Variants in ZFHX3 observed in about 807,000 individuals in gnomAD.
ZFHX3 encodes zinc finger homeobox protein 3.
A neutral mutation model predicts 279.1 loss-of-function variants in ZFHX3; 42 were observed. That is an observed-to-expected ratio of 0.15 (90% CI 0.12 to 0.19). ZFHX3 has a LOEUF of 0.19. ZFHX3 is among the 10% of genes least tolerant of loss of function. The pLI is 1.00. For synonymous variants in ZFHX3, 2,293 were observed against 1,957.8 expected (o/e 1.17, Z -4.52); for missense variants, 4,981 against 4,754.0 (o/e 1.05, Z -1.40).
chr16:73,293,393 A>G (rs536776096), intron 4 of ZFHX3, among the ~76,000 whole-genome samples: 8 of 152,348 alleles, frequency 5.3e-5, no homozygotes, highest in African/African-American at 1.9e-4. Flanking sequence ...AGGAGTTTCC[A>G]TTGAAATTTC....
chr16:73,145,812 A>G (rs1310995383), intron 5 of ZFHX3, among the ~76,000 whole-genome samples: 2 of 152,210 alleles, frequency 1.3e-5, no homozygotes, highest in African/African-American at 4.8e-5. Flanking sequence ...AATGAAACCA[A>G]TCCAGAATGA....
chr16:73,558,199 T>G (rs1422573007), intron 2 of ZFHX3: 1 of 152,218 alleles, frequency 6.6e-6, no homozygotes, highest in Non-Finnish European at 1.5e-5. Flanking sequence ...TATGGGAGAT[T>G]TCTAATGTGT....
intron 6 of ZFHX3, among the ~76,000 whole-genome samples, chr16:73,139,638 C>T (rs1172111193): frequency 1.3e-5 from 2 of 152,184 alleles, no homozygotes; most frequent in Admixed American, 6.5e-5. Flanking sequence ...AGAGCTTTGG[C>T]TGGGTCATGA....
intron 2 of ZFHX3, among the ~76,000 whole-genome samples, chr16:73,625,671 C>T (rs958073868): frequency 3.3e-5 from 5 of 152,270 alleles, no homozygotes; most frequent in Admixed American, 1.3e-4. Flanking sequence ...TGCAGACCAG[C>T]GGCATTTGTG....
chr16:73,731,371 T>C (rs552539535), intron 1 of ZFHX3, among the ~76,000 whole-genome samples: 6 of 152,274 alleles, frequency 3.9e-5, no homozygotes, highest in African/African-American at 1.4e-4. Context: ...GTCAAAGCCC[T>C]TCTTTATCTG....
chr16:73,328,003 C>T (rs1286030214), intron 3 of ZFHX3, among the ~76,000 whole-genome samples: 1 of 152,148 alleles, frequency 6.6e-6, no homozygotes, highest in Non-Finnish European at 1.5e-5. Context: ...AGCTCAGGAT[C>T]GGGGGGAACA....
Position 73,587,896 on chromosome 16 carries a change from A to T in ZFHX3, c.-1547+92284T>A, listed in dbSNP as rs1328515797. 2.0e-5 allele frequency among the ~76,000 whole-genome samples: 3 copies of T among 152,250 alleles called. No homozygotes were observed. In the East Asian group the frequency reaches 5.8e-4, roughly 29 times the overall value. ...TGACCTGTACAAACAGCAATTTCAT[A>T]TAATACAACTTAAATAAACATAGTA... On this transcript the variant is annotated intron_variant, in intron 2 of 17. Transcript: ENST00000641206.
chr16:73,441,525 C>T (rs1452750437), intron 3 of ZFHX3, among the ~76,000 whole-genome samples: 1 of 152,184 alleles, frequency 6.6e-6, no homozygotes, highest in Non-Finnish European at 1.5e-5. Flanking sequence ...AGCCCAAAAC[C>T]TGCCTCCCAA....
chr16:73,175,178 G>A (rs1360508270), intron 5 of ZFHX3, among the ~76,000 whole-genome samples: 6 of 151,498 alleles, frequency 4.0e-5, no homozygotes, highest in Admixed American at 6.6e-5. Flanking sequence ...TCAGGAGTTC[G>A]AGACCAGCCT....
At chr16:73,886,342 T>C (rs2030345761) in intron 1 of ZFHX3, among the ~76,000 whole-genome samples, 1 of 152,064 alleles carries the variant, frequency 6.6e-6, no homozygotes, top group African/African-American at 2.4e-5. Context: ...AGGACACAAA[T>C]TAACAGTCAG....
intron 1 of ZFHX3, among the ~76,000 whole-genome samples, chr16:73,864,803 ACCCAAT>A (rs372155089): frequency 0.017 from 610 of 36,258 alleles, 3 homozygotes; most frequent in Admixed American, 0.043. Context: ...GCATCCCAAT[ACCCAAT>A]AAAGTAATAT....
chr16:72,997,494 G>A (rs968933425), intron 1 of ZFHX3, among the ~76,000 whole-genome samples: 3 of 152,134 alleles, frequency 2.0e-5, no homozygotes, highest in South Asian at 4.1e-4. Flanking sequence ...CAGTCTTCTC[G>A]CTACACATCT....
At chr16:73,198,440 A>G (rs1179734223) in intron 5 of ZFHX3, among the ~76,000 whole-genome samples, 2 of 151,386 alleles carry the variant, frequency 1.3e-5, no homozygotes, top group African/African-American at 2.4e-5. Context: ...GCAGAAAGGT[A>G]TAATTCTGAT....
At chr16:73,168,173 C>T (rs182997072) in intron 5 of ZFHX3, among the ~76,000 whole-genome samples, 9 of 151,794 alleles carry the variant, frequency 5.9e-5, no homozygotes, top group East Asian at 1.9e-4. Flanking sequence ...ATCACCTGCC[C>T]CATAAATGCC....
intron 1 of ZFHX3, among the ~76,000 whole-genome samples, chr16:73,687,938 A>ATTTTATC (rs1567552202): frequency 6.6e-6 from 1 of 151,816 alleles, no homozygotes; most frequent in Admixed American, 6.6e-5. Context: ...AATACTTGTA[A>ATTTTATC]TTTTATCTTT....
intron 3 of ZFHX3, among the ~76,000 whole-genome samples, chr16:73,346,091 G>T (rs73589317): frequency 0.11 from 16,148 of 152,118 alleles, 2,059 homozygotes; most frequent in East Asian, 0.34. Context: ...CAGCGACCCT[G>T]CACCTTTTGA....
chr16:73,402,012 T>C (rs2017265568), intron 3 of ZFHX3: 1 of 152,214 alleles, frequency 6.6e-6, no homozygotes, highest in South Asian at 2.1e-4. Context: ...ACCCTCTATA[T>C]GGAAATGTGG....
At chr16:72,963,728 T>A (rs1463412975) in intron 1 of ZFHX3, among the ~76,000 whole-genome samples, 1 of 152,198 alleles carries the variant, frequency 6.6e-6, no homozygotes, top group Non-Finnish European at 1.5e-5. Context: ...GACAGTTTTA[T>A]CCTGTTCCCT....
chr16:73,226,977 A>G (rs911347589), intron 5 of ZFHX3, among the ~76,000 whole-genome samples: 1 of 152,200 alleles, frequency 6.6e-6, no homozygotes, highest in African/African-American at 2.4e-5. Context: ...ATTTACCGAT[A>G]TTTTATGGTA....
Sources: allele counts gnomAD v4.1 joint callset (sites outside exome capture counted in the v4.1 genomes callset), GRCh38; gene constraint gnomAD v4.1.1; transcripts MANE v1.5; gene names NCBI Gene and HGNC (gene_info 2026-07-23, HGNC 2026-07-21).